LRP1B: variants seen among roughly 807,000 people sequenced by gnomAD.
LRP1B encodes LDL receptor related protein 1B.
A neutral mutation model predicts 556.6 loss-of-function variants in LRP1B; 217 were observed. The ratio of observed to expected loss-of-function variants is 0.39; its 90% CI spans 0.35 to 0.44. The LOEUF is 0.44. LRP1B is among the 20% of genes least tolerant of loss of function. LRP1B has a pLI of 1.00. For synonymous variants in LRP1B, 2,047 were observed against 1,865.8 expected (o/e 1.10, Z -2.50); for missense variants, 5,053 against 5,620.8 (o/e 0.90, Z 3.23).
At chr2:140,324,860 G>T (rs1273911273) in intron 80 of LRP1B, among the ~76,000 whole-genome samples, 6 of 129,198 alleles carry the variant, frequency 4.6e-5, no homozygotes, top group African/African-American at 1.7e-4. Flanking sequence ...ATTAATTACA[G>T]GGATCTGAAC....
chr2:141,307,119 A>T (rs1348473133), intron 3 of LRP1B, among the ~76,000 whole-genome samples: 1 of 151,826 alleles, frequency 6.6e-6, no homozygotes, highest in African/African-American at 2.4e-5. Context: ...TGCTAGGTCC[A>T]TTTGGTCTAA....
chr2:140,881,838 C>T (rs973502780), intron 25 of LRP1B, among the ~76,000 whole-genome samples: 2 of 152,092 alleles, frequency 1.3e-5, no homozygotes, highest in Non-Finnish European at 2.9e-5. Flanking sequence ...GGTATTTTCA[C>T]TTAAATAGTA....
At chr2:140,335,513 A>C in intron 78 of LRP1B, 102 bp downstream of exon 78, 1 of 731,822 alleles carries the variant, frequency 1.4e-6, no homozygotes, top group African/African-American at 1.7e-5. Context: ...ATGTGACACT[A>C]TTACACATTG....
intron 23 of LRP1B, among the ~76,000 whole-genome samples, chr2:140,897,897 T>G (rs1371775390): frequency 6.6e-6 from 1 of 152,168 alleles, no homozygotes; most frequent in Non-Finnish European, 1.5e-5. Context: ...GACAGCCTAT[T>G]GTGGGACTTC....
intron 3 of LRP1B, among the ~76,000 whole-genome samples, chr2:141,272,134 T>C (rs932923862): frequency 4.6e-5 from 7 of 152,068 alleles, no homozygotes; most frequent in African/African-American, 1.7e-4. Flanking sequence ...CTATGTATTA[T>C]TGGGTTTATA....
At chr2:140,486,537 G>C (rs1688480213) in intron 58 of LRP1B, among the ~76,000 whole-genome samples, 1 of 151,700 alleles carries the variant, frequency 6.6e-6, no homozygotes, top group Admixed American at 6.6e-5. Flanking sequence ...AGTAGTAATG[G>C]AATAGTAGTG....
chr2:141,216,054 G>A (rs1682797471), intron 6 of LRP1B, among the ~76,000 whole-genome samples: 1 of 152,128 alleles, frequency 6.6e-6, no homozygotes, highest in African/African-American at 2.4e-5. Flanking sequence ...AGAGGCTTTT[G>A]TGGTGGCCCC....
At chr2:141,112,898 A>T (rs551076446) in intron 7 of LRP1B, among the ~76,000 whole-genome samples, 18 of 152,302 alleles carry the variant, frequency 1.2e-4, no homozygotes, top group African/African-American at 4.1e-4. Context: ...TTGGAAAAAT[A>T]TTTTTTTAAA....
At chr2:140,764,445 T>C (rs1004645670) in intron 35 of LRP1B, among the ~76,000 whole-genome samples, 27 of 152,112 alleles carry the variant, frequency 1.8e-4, no homozygotes, top group Admixed American at 1.2e-3. Context: ...CCAGTTTCCT[T>C]ACCTGTATCA....
chr2:141,599,733 C>A, intron 2 of LRP1B, among the ~76,000 whole-genome samples: 1 of 151,868 alleles, frequency 6.6e-6, no homozygotes, highest in South Asian at 2.1e-4. Flanking sequence ...ATCAAAAACA[C>A]TCGAATAGCA....
At chr2:141,736,862 A>G (rs1693487768) in intron 2 of LRP1B, among the ~76,000 whole-genome samples, 1 of 152,082 alleles carries the variant, frequency 6.6e-6, no homozygotes, top group East Asian at 1.9e-4. Context: ...AGAAGGGATG[A>G]CCCCCAAACA....
At chr2:140,972,337 G>A (rs1223132849) in intron 18 of LRP1B, among the ~76,000 whole-genome samples, 2 of 152,136 alleles carry the variant, frequency 1.3e-5, no homozygotes, top group Non-Finnish European at 2.9e-5. Flanking sequence ...GCACGAAAAA[G>A]AGCTTCTCAG....
intron 1 of LRP1B, among the ~76,000 whole-genome samples, chr2:141,923,837 G>A (rs1161813035): frequency 6.6e-6 from 1 of 151,916 alleles, no homozygotes; most frequent in African/African-American, 2.4e-5. Context: ...AGCATTGGCA[G>A]CATAACCAAC....
chr2:141,471,269 T>TGTTTTTTG (rs58189454), intron 3 of LRP1B, among the ~76,000 whole-genome samples: 1 of 119,372 alleles, frequency 8.4e-6, no homozygotes, highest in African/African-American at 3.1e-5. Context: ...TACCCTGGTA[T>TGTTTTTTG]TTTTTTTTTT....
At chr2:140,340,722 A>G (rs1203866711) in intron 77 of LRP1B, among the ~76,000 whole-genome samples, 2 of 151,480 alleles carry the variant, frequency 1.3e-5, no homozygotes, top group African/African-American at 4.8e-5. Context: ...TTACATATCC[A>G]AAGTTTTGTT....
chr2:141,096,621 G>GA (rs1558857992), intron 7 of LRP1B, among the ~76,000 whole-genome samples: 579 of 39,886 alleles, frequency 0.015, 38 homozygotes, highest in South Asian at 0.033. Context: ...ACAAAGACGG[G>GA]GAGAGGGGGA....
intron 2 of LRP1B, among the ~76,000 whole-genome samples, chr2:141,762,567 T>C (rs1694596088): frequency 6.6e-6 from 1 of 152,052 alleles, no homozygotes; most frequent in South Asian, 2.1e-4. Flanking sequence ...ATTTTTTTAC[T>C]CCGTATAGTG....
At chr2:141,245,307 T>C (rs1391809030) in intron 5 of LRP1B, among the ~76,000 whole-genome samples, 4 of 152,210 alleles carry the variant, frequency 2.6e-5, no homozygotes, top group African/African-American at 9.6e-5. Context: ...TAGCTGTTGT[T>C]GATATTTTGT....
chr2:141,189,145 A>T (rs1418660973), intron 6 of LRP1B, among the ~76,000 whole-genome samples: 1 of 151,686 alleles, frequency 6.6e-6, no homozygotes, highest in Non-Finnish European at 1.5e-5. Flanking sequence ...TAGGAATTGT[A>T]AAAAAGGCTT....
Sources: allele counts gnomAD v4.1 joint callset (sites outside exome capture counted in the v4.1 genomes callset), GRCh38; gene constraint gnomAD v4.1.1; transcripts MANE v1.5; gene names NCBI Gene and HGNC (gene_info 2026-07-23, HGNC 2026-07-21).